RIMS1: variants seen among roughly 807,000 people sequenced by gnomAD.
The protein encoded by RIMS1 is regulating synaptic membrane exocytosis protein 1.
A neutral mutation model predicts 214.1 loss-of-function variants in RIMS1; 83 were observed. The observed-to-expected ratio is 0.39, with a 90% confidence interval of 0.32 to 0.47. RIMS1 has a LOEUF of 0.47. Among genes scored for constraint, RIMS1 ranks in the 20% least tolerant of loss-of-function variants. RIMS1 has a pLI of 0.99. For synonymous variants in RIMS1, 793 were observed against 786.8 expected, an observed-to-expected ratio of 1.01 and a Z score of -0.13; for missense variants, 2,050 against 2,161.8, an observed-to-expected ratio of 0.95 and a Z score of 1.03.
At chr6:72,106,905 A>G (rs1290448469) in intron 4 of RIMS1, among the ~76,000 whole-genome samples, 2 of 152,186 alleles carry the variant, frequency 1.3e-5, no homozygotes, top group Admixed American at 6.6e-5. Context: ...GATTAACTTC[A>G]CTTACCAGCT....
intron 27 of RIMS1, among the ~76,000 whole-genome samples, chr6:72,308,973 A>G (rs2095376369): frequency 6.6e-6 from 1 of 152,100 alleles, no homozygotes; most frequent in Admixed American, 6.6e-5. Context: ...TTTTCCCTCT[A>G]CAGTTGGATG....
intron 1 of RIMS1, among the ~76,000 whole-genome samples, chr6:71,931,185 A>G (rs55700280): frequency 0.23 from 35,623 of 151,970 alleles, 4,879 homozygotes; most frequent in African/African-American, 0.36. Context: ...TAAAGCGGTC[A>G]TGTAAGACCT....
intron 2 of RIMS1, among the ~76,000 whole-genome samples, chr6:71,992,589 T>TCTCCTC: frequency 7.1e-6 from 1 of 140,006 alleles, no homozygotes; most frequent in Non-Finnish European, 1.5e-5. Context: ...CTCTTCTCCT[T>TCTCCTC]CTCCTCCTCC....
At chr6:72,233,250 A>G (rs910271801) in intron 6 of RIMS1, among the ~76,000 whole-genome samples, 2 of 151,918 alleles carry the variant, frequency 1.3e-5, no homozygotes, top group Non-Finnish European at 2.9e-5. Flanking sequence ...TCTTTTGGAA[A>G]AAGTTATTTT....
rs9446520 is a variant in RIMS1, at chr6:71,971,297, C to T, written c.245+2234C>T. 8.7e-3 allele frequency among the ~76,000 whole-genome samples: 1,326 copies of T among 152,046 alleles called. 22 individuals carry two copies. The highest frequency in any genetic ancestry group is 0.031 in the African/African-American group (1,274 of 41,454). On this transcript the variant is annotated intron_variant, in intron 2 of 33. Coordinates refer to ENST00000521978, the MANE Select transcript of RIMS1 (RefSeq NM_014989.7). ...AATGTGAAGTGGGCAAAACTAGAGA[C>T]AAGTAAATCAATTAACAAACTATTG...
chr6:71,898,080 G>A (rs1772408602), intron 1 of RIMS1, among the ~76,000 whole-genome samples: 2 of 152,134 alleles, frequency 1.3e-5, no homozygotes, highest in South Asian at 4.1e-4. Context: ...TTGATGGCCT[G>A]TTGTATCTTG....
intron 1 of RIMS1, among the ~76,000 whole-genome samples, chr6:71,902,652 C>G (rs1204437): frequency 0.021 from 3,176 of 152,100 alleles, 96 homozygotes; most frequent in African/African-American, 0.071. Flanking sequence ...GCTCAGCATA[C>G]TTTAGCTATT....
Position 72,182,833 on chromosome 6 carries a change from T to A in RIMS1, c.1362T>A (p.His454Gln), listed in dbSNP as rs758749274. Residue 454 changes from histidine (H) to glutamine (Q), a missense_variant, in exon 6 of 34, where the codon CAT (histidine) becomes CAA (glutamine). Around this residue, in one of 6 missense-constraint regions of RIMS1, gnomAD observed 882 missense variants for 828.9 expected, o/e 1.06. Coordinates refer to ENST00000521978, the MANE Select transcript of RIMS1 (RefSeq NM_014989.7). ...LTNHSPPAPR[H>Q]GPVPAEAPEL... ...ACCACAGCCCGCCGGCGCCCAGACATGGGCCGGTTCCCGCAGAAGCCCCGG... is the reference window on the plus strand; with the variant it reads ...ACCACAGCCCGCCGGCGCCCAGACAAGGGCCGGTTCCCGCAGAAGCCCCGG... 1.9e-6 allele frequency: 3 copies of A among 1,551,632 alleles called. No homozygotes were observed. In the East Asian group the frequency reaches 7.3e-5, roughly 38 times the overall value.
intron 2 of RIMS1, among the ~76,000 whole-genome samples, chr6:71,993,287 C>T (rs549572688): frequency 1.3e-5 from 2 of 152,290 alleles, no homozygotes; most frequent in African/African-American, 4.8e-5. Flanking sequence ...TCTCAAGGCC[C>T]CTCTGTTCCG....
chr6:71,940,167 T>A (rs9358986), intron 1 of RIMS1, among the ~76,000 whole-genome samples: 86,494 of 151,938 alleles, frequency 0.57, 25,529 homozygotes, highest in East Asian at 0.82. Context: ...GGATGGCATT[T>A]TAACTGAGAT....
intron 29 of RIMS1, among the ~76,000 whole-genome samples, chr6:72,351,155 A>C (rs2097433120): frequency 6.6e-6 from 1 of 151,710 alleles, no homozygotes; most frequent in African/African-American, 2.4e-5. Context: ...CATTTATCTT[A>C]TTTATTCTTA....
intron 2 of RIMS1, among the ~76,000 whole-genome samples, chr6:71,980,571 G>A (rs868788308): frequency 2.6e-5 from 4 of 152,020 alleles, no homozygotes; most frequent in African/African-American, 9.7e-5. Flanking sequence ...TTTGATAAAT[G>A]GATTTTACTC....
At position 72,370,963 on chromosome 6, in the gene RIMS1, GA is replaced by G. The variant is rs372240018; in HGVS notation, c.4367-19632del. ...GTATGGGAGAAATTTGTCTTCCCAT[GA>G]AAGTTAAAGACAAACGGATATGAGA... On this transcript the variant is annotated intron_variant, in intron 29 of 33. Transcript: ENST00000521978. 4.3e-3 allele frequency among the ~76,000 whole-genome samples: 662 copies of G among 152,254 alleles called. 3 individuals are homozygous for G. The highest frequency in any genetic ancestry group is 0.015 in the African/African-American group (638 of 41,550).
chr6:72,019,704 T>C (rs1813970679), intron 2 of RIMS1, among the ~76,000 whole-genome samples: 2 of 152,186 alleles, frequency 1.3e-5, no homozygotes, highest in Non-Finnish European at 2.9e-5. Flanking sequence ...ATTTTCCCTT[T>C]CCTGTTCTTC....
At chr6:72,148,728 T>C (rs1322456671) in intron 4 of RIMS1, 13 of 414,438 alleles carry the variant, frequency 3.1e-5, no homozygotes, top group Admixed American at 2.8e-5. Context: ...TTTTTTTTTT[T>C]CTAGGGCTTC....
intron 4 of RIMS1, among the ~76,000 whole-genome samples, chr6:72,118,332 T>TA (rs918417392): frequency 6.0e-5 from 9 of 150,636 alleles, no homozygotes; most frequent in East Asian, 3.9e-4. Context: ...TTTCAGTAAT[T>TA]AAAAAAAATT....
At chr6:72,178,173 G>A (rs536860457) in intron 4 of RIMS1, among the ~76,000 whole-genome samples, 1 of 152,110 alleles carries the variant, frequency 6.6e-6, no homozygotes, top group Admixed American at 6.5e-5. Flanking sequence ...TTTATAGCAA[G>A]TATTTCTCTT....
chr6:71,966,291 T>A (rs1794415093), intron 1 of RIMS1, among the ~76,000 whole-genome samples: 1 of 152,254 alleles, frequency 6.6e-6, no homozygotes, highest in Non-Finnish European at 1.5e-5. Context: ...GTTTTCCTGT[T>A]ATATTCAGAT....
Position 72,237,906 on chromosome 6 carries a change from T to C in RIMS1, c.1941T>C (p.Val647=). The part of the protein sequence containing the change: ...KVKKGSLADV[V]GHLRAGDEVL... ...AGAAGGGTAGCCTAGCAGATGTAGT[T>C]GGACACCTAAGAGCAGGTAAAGTTT... Residue 647 remains valine (V), a synonymous_variant, in exon 9 of 34, where the codon GTT becomes GTC. Transcript: ENST00000521978. 1.9e-6 allele frequency: 3 copies of C among 1,612,436 alleles called. No individual in the cohort carries two copies. In the South Asian group the frequency reaches 3.3e-5, roughly 18 times the overall value.
Sources: allele counts gnomAD v4.1 joint callset (sites outside exome capture counted in the v4.1 genomes callset), GRCh38; gene constraint gnomAD v4.1.1; regional missense constraint gnomAD v4.1.1; transcripts MANE v1.5; gene names NCBI Gene and HGNC (gene_info 2026-07-23, HGNC 2026-07-21).